The following ATP6V0A4 variants were observed in gnomAD, a reference collection of about 807,000 sequenced individuals.
The protein encoded by ATP6V0A4 is V-type proton ATPase 116 kDa subunit a 4.
ATP6V0A4 carries 86 observed loss-of-function variants against 107.3 expected under a neutral mutation model. The ratio of observed to expected loss-of-function variants is 0.80; its 90% CI spans 0.67 to 0.96. ATP6V0A4 has a LOEUF of 0.96. ATP6V0A4 is among the 40% of genes least tolerant of loss of function. ATP6V0A4 has a pLI of 0.00. For missense variants in ATP6V0A4, 908 were observed against 1,045.6 expected (o/e 0.87, Z 1.81); for synonymous variants, 353 against 381.4 (o/e 0.93, Z 0.87).
intron 1 of ATP6V0A4, among the ~76,000 whole-genome samples, chr7:138,790,485 G>A (rs1479426057): frequency 6.6e-6 from 1 of 152,054 alleles, no homozygotes; most frequent in Non-Finnish European, 1.5e-5. Flanking sequence ...AGTAGAGATG[G>A]GGTTTTGCCA....
intron 2 of ATP6V0A4, among the ~76,000 whole-genome samples, chr7:138,784,275 T>C (rs1260931440): frequency 1.1e-3 from 37 of 33,964 alleles, no homozygotes; most frequent in African/African-American, 3.7e-3. Flanking sequence ...TACATATATA[T>C]ATATACATAT....
chr7:138,743,316 G>C (rs1805731164), intron 14 of ATP6V0A4, among the ~76,000 whole-genome samples: 1 of 151,922 alleles, frequency 6.6e-6, no homozygotes, highest in Non-Finnish European at 1.5e-5. Flanking sequence ...AACTTAGCTG[G>C]GTGTGGTGGT....
chr7:138,780,818 T>C (rs1026592025), intron 2 of ATP6V0A4, among the ~76,000 whole-genome samples: 2 of 151,754 alleles, frequency 1.3e-5, no homozygotes, highest in African/African-American at 4.8e-5. Flanking sequence ...GGTGAGAGGA[T>C]CACTTGATCC....
chr7:138,759,849 C>G lies in ATP6V0A4; in HGVS notation c.542G>C (p.Arg181Thr), dbSNP rs865990053. The change falls in exon 8 of 22, where the codon AGG (arginine) becomes ACG (threonine). Residue 181 changes from arginine (R) to threonine (T), a missense_variant. Physicochemically the swap from Arg to Thr is moderately conservative, Grantham distance 71 (BLOSUM62 -1). Transcript: ENST00000310018. ...CAGTAACCGCTCAAAGGAAGCCATC[C>G]TCTCCCTGTTGATCACACCGGCTAT... ...GFIAGVINRE[R>T]MASFERLLWR... 1 of 1,614,094 alleles carries G rather than the reference C, an allele frequency of 6.2e-7. No homozygotes were observed. The highest frequency in any genetic ancestry group is 8.5e-7 in the Non-Finnish European group (1 of 1,180,022).
chr7:138,774,973 GGGCAGAACAA>G (rs1350931263), intron 2 of ATP6V0A4, among the ~76,000 whole-genome samples: 2 of 151,950 alleles, frequency 1.3e-5, no homozygotes, highest in Non-Finnish European at 2.9e-5. Flanking sequence ...AGGGTGCGAG[GGGCAGAACAA>G]GCCAATTAGG....
intron 20 of ATP6V0A4, among the ~76,000 whole-genome samples, chr7:138,713,959 CAAGT>C (rs952518162): frequency 4.6e-5 from 7 of 150,588 alleles, no homozygotes; most frequent in Non-Finnish European, 7.4e-5. Flanking sequence ...AAAAGTTCGC[CAAGT>C]ATGTTGGTGT....
chr7:138,762,806 T>C (rs560838803), intron 6 of ATP6V0A4, 94 bp downstream of exon 6: 81 of 1,392,692 alleles, frequency 5.8e-5, no homozygotes, highest in Non-Finnish European at 6.9e-5. Flanking sequence ...AGAAACAGAG[T>C]GATTTACTCA....
At chr7:138,710,756 G>A (rs1175055132) in intron 20 of ATP6V0A4, among the ~76,000 whole-genome samples, 1 of 152,122 alleles carries the variant, frequency 6.6e-6, no homozygotes, top group Non-Finnish European at 1.5e-5. Context: ...TCACTCTTTG[G>A]TGGTCACGGG....
At position 138,796,040 on chromosome 7, in the gene ATP6V0A4, C is replaced by T. The variant is rs181924482; in HGVS notation, c.-121+1994G>A. On this transcript the variant is annotated intron_variant, in intron 1 of 21. Coordinates refer to ENST00000310018, the MANE Select transcript of ATP6V0A4 (RefSeq NM_020632.3). ...TGGAAATCTTGGGGATTCCACGTAC[C>T]GCTGTTATCCCTAGTACCCATTGGA... Among the ~76,000 whole-genome samples the T allele has an allele frequency of 5.9e-3, 895 of 152,216 alleles. 8 individuals are homozygous for T. The highest frequency in any genetic ancestry group is 0.043 in the South Asian group (209 of 4,814).
chr7:138,778,278 A>AG (rs1807759944), intron 2 of ATP6V0A4, among the ~76,000 whole-genome samples: 1 of 72,044 alleles, frequency 1.4e-5, no homozygotes, highest in African/African-American at 4.9e-5. Context: ...CAAGAGGCTG[A>AG]GGCAGGAGAA....
intron 10 of ATP6V0A4, among the ~76,000 whole-genome samples, chr7:138,754,021 G>C (rs1367401670): frequency 1.3e-5 from 2 of 152,120 alleles, no homozygotes; most frequent in Non-Finnish European, 2.9e-5. Flanking sequence ...CACACATCTA[G>C]CAGAATTTAT....
chr7:138,750,142 T>C (rs1466642421), intron 11 of ATP6V0A4, among the ~76,000 whole-genome samples: 1 of 152,202 alleles, frequency 6.6e-6, no homozygotes, highest in Non-Finnish European at 1.5e-5. Flanking sequence ...TCAAGACTAC[T>C]TAACAATATG....
rs756281918 is a variant in ATP6V0A4, at chr7:138,768,849, AT to A, written c.221del (p.Asn74MetfsTer4). Reference sequence around the variant, plus strand: ...TCTCGAGCAACTGAACTACAATCTCATTTTGCATCTCGTCTTCCAGAAAACC... The same window carrying A: ...TCTCGAGCAACTGAACTACAATCTCATTTGCATCTCGTCTTCCAGAAAACC... ...ILRFLEDEMQ[N>X]EIVVQLLEKS... On this transcript the variant is annotated frameshift_variant, in exon 5 of 22. Coordinates refer to ENST00000310018, the MANE Select transcript of ATP6V0A4 (RefSeq NM_020632.3). LOFTEE classifies it high-confidence loss of function. 3.1e-6 allele frequency: 5 copies of A among 1,613,740 alleles called. No individual in the cohort carries two copies. The Admixed American group carries it at 8.3e-5, about 27-fold the overall frequency.
At position 138,752,381 on chromosome 7, in the gene ATP6V0A4, T is replaced by TAAA. The variant is rs1175560461; in HGVS notation, c.1029+241_1029+243dup. 3.7e-4 allele frequency among the ~76,000 whole-genome samples: 55 copies of TAAA among 149,900 alleles called. 1 individual carries two copies. The highest frequency in any genetic ancestry group is 1.1e-3 in the South Asian group (5 of 4,720). On this transcript the variant is annotated intron_variant, in intron 11 of 21. Transcript: ENST00000310018. The stretch of plus-strand genomic sequence containing the variant: ...CGAGATTCTATTTTTTTTTTTTTTT[T>TAAA]AAAAAAACCTCAATACGTACTCACA...
At chr7:138,708,940 G>A (rs945577039) in intron 21 of ATP6V0A4, among the ~76,000 whole-genome samples, 6 of 152,158 alleles carry the variant, frequency 3.9e-5, no homozygotes, top group African/African-American at 4.8e-5. Flanking sequence ...CAGGTGTGAC[G>A]GTGCATGCCT....
At chr7:138,780,637 C>T (rs186307955) in intron 2 of ATP6V0A4, among the ~76,000 whole-genome samples, 13 of 152,304 alleles carry the variant, frequency 8.5e-5, no homozygotes, top group Non-Finnish European at 1.6e-4. Context: ...CCATCCCTGC[C>T]ACCATAGCCA....
intron 14 of ATP6V0A4, among the ~76,000 whole-genome samples, chr7:138,740,733 C>T (rs1024192630): frequency 2.0e-5 from 3 of 151,760 alleles, no homozygotes; most frequent in African/African-American, 7.3e-5. Context: ...AGCCACGATG[C>T]CCGGCCCAGA....
chr7:138,781,219 C>T (rs1019245135), intron 2 of ATP6V0A4, among the ~76,000 whole-genome samples: 1 of 152,344 alleles, frequency 6.6e-6, no homozygotes, highest in South Asian at 2.1e-4. Context: ...CTAAAAGCAC[C>T]CTGCTCCTGC....
intron 21 of ATP6V0A4, among the ~76,000 whole-genome samples, chr7:138,707,870 C>T (rs962779639): frequency 2.0e-5 from 3 of 151,564 alleles, no homozygotes; most frequent in Non-Finnish European, 4.4e-5. Context: ...AGCCAAGACA[C>T]CCTCACTGTG....
Sources: allele counts gnomAD v4.1 joint callset (sites outside exome capture counted in the v4.1 genomes callset), GRCh38; gene constraint gnomAD v4.1.1; transcripts MANE v1.5; gene names NCBI Gene and HGNC (gene_info 2026-07-23, HGNC 2026-07-21).